ERN1: variants seen among roughly 807,000 people sequenced by gnomAD.
ERN1 encodes the protein endoplasmic reticulum to nucleus signaling 1.
In ERN1, 39 loss-of-function variants were observed where a neutral mutation model predicts 113.1. The ratio of observed to expected loss-of-function variants is 0.34; its 90% CI spans 0.27 to 0.45. The LOEUF (loss-of-function observed/expected upper bound fraction) is 0.45, where lower values mean the gene tolerates loss of function less well. ERN1 is among the 20% of genes least tolerant of loss of function. The pLI is 1.00. For missense variants in ERN1, 976 were observed against 1,274.8 expected (o/e 0.77, Z 3.57); for synonymous variants, 507 against 515.9 (o/e 0.98, Z 0.23).
chr17:64,075,175 C>T lies in ERN1; in HGVS notation c.355G>A (p.Gly119Ser). Residue 119 changes from glycine (G) to serine (S), a missense_variant and splice_region_variant, in exon 5 of 22, where the codon GGT becomes AGT. This residue lies in a region of ERN1 where 459 missense variants were observed against 581.2 expected (regional missense o/e 0.79). Coordinates refer to ENST00000433197, the MANE Select transcript of ERN1 (RefSeq NM_001433.5). ...CRSSDGILYM[G>S]KKQDIWYVID... ...AGTTTCTGGAGACAGGAACTCTTAC[C>T]CATGTAGAGGATTCCATCTGAACTT... 6.5e-7 allele frequency: 1 copy of T among 1,544,450 alleles called. No homozygotes were observed. Among genetic ancestry groups the T allele is most frequent in the Non-Finnish European group, 8.8e-7 (1 of 1,142,838 alleles).
intron 9 of ERN1, among the ~76,000 whole-genome samples, chr17:64,064,953 C>T (rs1006481332): frequency 1.3e-5 from 2 of 152,168 alleles, no homozygotes; most frequent in African/African-American, 4.8e-5. Flanking sequence ...GGGCCATGAA[C>T]ACCAGCCTGG....
At chr17:64,114,371 T>C (rs1258736825) in intron 1 of ERN1, among the ~76,000 whole-genome samples, 4 of 152,218 alleles carry the variant, frequency 2.6e-5, no homozygotes, top group Non-Finnish European at 5.9e-5. Flanking sequence ...AAGAAGAGCA[T>C]CTGGTCTTGT....
chr17:64,068,332 C>A (rs200395809), intron 6 of ERN1, 41 bp from the exon 7 acceptor site: 4 of 1,360,870 alleles, frequency 2.9e-6, no homozygotes, highest in Non-Finnish European at 4.2e-6. Context: ...CACGGAGGGG[C>A]CATAGTACCT....
chr17:64,073,969 A>G (rs2143394991), intron 5 of ERN1, among the ~76,000 whole-genome samples: 1 of 152,298 alleles, frequency 6.6e-6, no homozygotes, highest in East Asian at 1.9e-4. Flanking sequence ...CTATACCTCT[A>G]AAGTTCTAAC....
chr17:64,120,971 C>T (rs62073085), intron 1 of ERN1, among the ~76,000 whole-genome samples: 9,245 of 152,264 alleles, frequency 0.061, 287 homozygotes, highest in Non-Finnish European at 0.072. Context: ...GTATAACCAG[C>T]ATGCCACGTT....
chr17:64,129,510 C>G (rs1238061126), intron 1 of ERN1: 1 of 307,724 alleles, frequency 3.2e-6, no homozygotes, highest in Non-Finnish European at 6.0e-6. Flanking sequence ...AACAAGGATT[C>G]GAAGCGCAGG....
rs1377391452 is a variant in ERN1, at chr17:64,040,314, C to T, written c.*3674G>A. The T allele has an allele frequency of 6.6e-6, 1 of 152,146 alleles. No individual in the cohort carries two copies. The highest frequency in any genetic ancestry group is 2.4e-5 in the African/African-American group (1 of 41,386). The allele number at this position is 152,146 out of a possible 1,614,324, so 9.4% of individuals were successfully genotyped here. ...CCCAGTTCCCAGAGGATCACAAGGC[C>T]AAGGATCCAATGGGCACACCATGAG... On this transcript the variant is annotated 3_prime_UTR_variant, in exon 22 of 22. Transcript: ENST00000433197.
At chr17:64,067,802 T>C (rs951845888) in intron 7 of ERN1, 1 of 161,796 alleles carries the variant, frequency 6.2e-6, no homozygotes, top group African/African-American at 2.4e-5. Flanking sequence ...TGGGTGAATG[T>C]TAACTGCAGA....
Position 64,045,480 on chromosome 17 carries a change from G to C in ERN1, c.2532C>G (p.Asp844Glu). Residue 844 changes from aspartate (D) to glutamate (E), a missense_variant and splice_region_variant, in exon 20 of 22, where the codon GAC becomes GAG. Physicochemically the swap from Asp to Glu is conservative, Grantham distance 45. Transcript: ENST00000433197. Reference sequence around the variant, plus strand: ...ATTCCTTTTCTATTCTGTCGCTCACGTCCTGTGAGAGAAACAAGGGCAGCA... The same window carrying C: ...ATTCCTTTTCTATTCTGTCGCTCACCTCCTGTGAGAGAAACAAGGGCAGCA... ...SLEKQLQFFQ[D>E]VSDRIEKESL... The C allele has an allele frequency of 6.2e-7, 1 of 1,613,868 alleles. No individual in the cohort carries two copies. Among genetic ancestry groups the C allele is most frequent in the Non-Finnish European group, 8.5e-7 (1 of 1,179,858 alleles).
rs533366973 is a variant in ERN1, at chr17:64,043,535, C to T, written c.*453G>A. ...CGTCCTCCCCCTCCTCAGCATCCCC[C>T]ACCTCTCAATTCCGGTCTCCAGTGA... On this transcript the variant is annotated 3_prime_UTR_variant, in exon 22 of 22. Transcript: ENST00000433197. 42 of 156,094 alleles carry T rather than the reference C, an allele frequency of 2.7e-4. No homozygotes were observed. Among genetic ancestry groups the T allele is most frequent in the East Asian group, 7.4e-4 (4 of 5,404 alleles). 9.7% of individuals were successfully genotyped at this position (156,094 alleles called of 1,614,324 possible). A position where few individuals can be genotyped will look rare whatever the true frequency, so the allele number is the denominator to read the frequency against.
In ERN1 at chr17:64,052,879, C is replaced by T. The variant is rs1912730513; in HGVS notation, c.2154G>A (p.Leu718=). The change falls in exon 17 of 22, where the codon CTG becomes CTA. Residue 718 remains leucine, a synonymous_variant. Transcript: ENST00000433197. ...MISDFGLCKK[L]AVGRHSFSRR... ...GGCTGAAACTGTGTCTGCCCACTGC[C>T]AGCTTCTTGCAGAGGCCAAAGTCGG... The T allele has an allele frequency of 1.2e-6, 2 of 1,613,988 alleles. No individual in the cohort carries two copies. Among genetic ancestry groups the T allele is most frequent in the Non-Finnish European group, 1.7e-6 (2 of 1,179,898 alleles).
intron 18 of ERN1, among the ~76,000 whole-genome samples, chr17:64,048,656 A>C (rs1046101779): frequency 6.6e-6 from 1 of 152,202 alleles, no homozygotes; most frequent in African/African-American, 2.4e-5. Flanking sequence ...GTCTGTCCCC[A>C]GCCCAGCACA....
At chr17:64,106,429 T>C (rs540899028) in intron 1 of ERN1, among the ~76,000 whole-genome samples, 1 of 152,178 alleles carries the variant, frequency 6.6e-6, no homozygotes. Context: ...TTGGCAATCA[T>C]GCTTGGAGGT....
At chr17:64,053,894 T>A (rs1598047379) in intron 15 of ERN1, 1 of 217,432 alleles carries the variant, frequency 4.6e-6, no homozygotes, top group South Asian at 7.7e-5. Context: ...GTATAGACAT[T>A]TGTCAAAATT....
At chr17:64,114,208 T>C (rs1210915825) in intron 1 of ERN1, among the ~76,000 whole-genome samples, 1 of 152,052 alleles carries the variant, frequency 6.6e-6, no homozygotes. Flanking sequence ...GACACTAGGA[T>C]CTAATCACAA....
At chr17:64,080,752 A>T (rs1262888213) in intron 3 of ERN1, 23 bp downstream of exon 3, 3 of 1,605,838 alleles carry the variant, frequency 1.9e-6, no homozygotes, top group Non-Finnish European at 2.6e-6. Context: ...AAAGGGAAGT[A>T]CTGAGCGAAT....
chr17:64,105,635 A>G (rs1378927888), intron 1 of ERN1, among the ~76,000 whole-genome samples: 2 of 152,130 alleles, frequency 1.3e-5, no homozygotes, highest in Non-Finnish European at 2.9e-5. Context: ...GATTACTGTT[A>G]TATTGCATAA....
At chr17:64,112,919 A>G (rs1914712415) in intron 1 of ERN1, among the ~76,000 whole-genome samples, 2 of 152,176 alleles carry the variant, frequency 1.3e-5, no homozygotes, top group Admixed American at 6.5e-5. Context: ...GAGATCATCA[A>G]TGCTGGAGAT....
intron 17 of ERN1, among the ~76,000 whole-genome samples, chr17:64,051,757 T>C (rs1912691639): frequency 6.6e-6 from 1 of 152,084 alleles, no homozygotes; most frequent in South Asian, 2.1e-4. Flanking sequence ...TAAAACCCAG[T>C]AGGTATCAAA....
Sources: gnomAD v4.1 joint callset for allele counts (sites outside exome capture counted in the v4.1 genomes callset) on GRCh38, gnomAD v4.1.1 for gene constraint, gnomAD v4.1.1 regional missense constraint, MANE v1.5 for transcripts, NCBI Gene and HGNC (gene_info 2026-07-23, HGNC 2026-07-21) for gene names.